CSMD1: variants seen among roughly 807,000 people sequenced by gnomAD.
The protein encoded by CSMD1 is CUB and sushi domain-containing protein 1.
In CSMD1, 213 loss-of-function variants were observed where a neutral mutation model predicts 417.5. That is an observed-to-expected ratio of 0.51 (90% CI 0.46 to 0.57). The LOEUF (loss-of-function observed/expected upper bound fraction) is 0.57. Among genes scored for constraint, CSMD1 ranks in the 20% least tolerant of loss-of-function variants. CSMD1 has a pLI of 0.00. For synonymous variants in CSMD1, 2,862 were observed against 1,736.8 expected (o/e 1.65, Z -16.11); for missense variants, 6,923 against 4,529.7 (o/e 1.53, Z -15.17).
At position 4,754,956 on chromosome 8, in the gene CSMD1, G is replaced by C. The variant is rs183589925; in HGVS notation, c.86-117398C>G. Among the ~76,000 whole-genome samples, 1,012 of 152,168 alleles carry C rather than the reference G, an allele frequency of 6.7e-3. 41 individuals carry two copies. The highest frequency in any genetic ancestry group is 0.062 in the Admixed American group (947 of 15,274). Reference sequence around the variant, plus strand: ...GTTCGAAACCAGCCTGGCCAACATAGTGAAACCCTGTCTCTACTAAAAACA... The same window carrying C: ...GTTCGAAACCAGCCTGGCCAACATACTGAAACCCTGTCTCTACTAAAAACA... On this transcript the variant is annotated intron_variant, in intron 1 of 69. Transcript: ENST00000635120.
intron 5 of CSMD1, among the ~76,000 whole-genome samples, chr8:3,867,819 C>G (rs1374435360): frequency 6.6e-6 from 1 of 152,078 alleles, no homozygotes; most frequent in Admixed American, 6.6e-5. Flanking sequence ...ACTGACCTTC[C>G]CTCAATTCTA....
At position 4,725,973 on chromosome 8, in the gene CSMD1, A is replaced by C. The variant is rs143462336; in HGVS notation, c.86-88415T>G. 2.6e-3 allele frequency among the ~76,000 whole-genome samples: 396 copies of C among 152,284 alleles called. 3 individuals carry two copies. Among genetic ancestry groups the C allele is most frequent in the African/African-American group, 9.0e-3 (374 of 41,550 alleles). On this transcript the variant is annotated intron_variant, in intron 1 of 69. Coordinates refer to ENST00000635120, the MANE Select transcript of CSMD1 (RefSeq NM_033225.6). ...TCGTCAAGAAGTTATTAGGATTTAC[A>C]GTGGAATTTTGGTATCACGAACTAG... is the stretch of plus-strand genomic sequence containing the variant.
intron 3 of CSMD1, among the ~76,000 whole-genome samples, chr8:4,137,593 T>G (rs1055028856): frequency 7.6e-6 from 1 of 131,648 alleles, no homozygotes; most frequent in Non-Finnish European, 1.8e-5. Flanking sequence ...AACTGGTTGG[T>G]TTGTAAGATA....
intron 12 of CSMD1, among the ~76,000 whole-genome samples, chr8:3,445,978 C>G (rs544557270): frequency 2.1e-4 from 32 of 152,208 alleles, no homozygotes; most frequent in African/African-American, 7.2e-4. Flanking sequence ...CTGGGCACAA[C>G]AGAGGGAGAA....
intron 5 of CSMD1, among the ~76,000 whole-genome samples, chr8:3,860,516 G>A (rs1417113003): frequency 6.6e-6 from 1 of 152,028 alleles, no homozygotes; most frequent in Non-Finnish European, 1.5e-5. Context: ...AAGGTACCTT[G>A]TACATAAATT....
At chr8:3,020,451 C>T (rs115240851) in intron 51 of CSMD1, among the ~76,000 whole-genome samples, 2,965 of 152,252 alleles carry the variant, frequency 0.019, 89 homozygotes, top group African/African-American at 0.066. Flanking sequence ...CCAGCAGCAG[C>T]CCTGACCTCC....
intron 1 of CSMD1, among the ~76,000 whole-genome samples, chr8:4,736,601 A>G (rs2116982458): frequency 6.6e-6 from 1 of 152,328 alleles, no homozygotes; most frequent in African/African-American, 2.4e-5. Context: ...CACATATTGT[A>G]CTGGAGCTAA....
intron 20 of CSMD1, among the ~76,000 whole-genome samples, chr8:3,362,851 C>G (rs1452177308): frequency 6.6e-6 from 1 of 152,172 alleles, no homozygotes; most frequent in Non-Finnish European, 1.5e-5. Context: ...GTAGTCTCAG[C>G]TTCCATCTTG....
intron 1 of CSMD1, among the ~76,000 whole-genome samples, chr8:4,808,456 C>G (rs1334712383): frequency 6.6e-6 from 1 of 152,176 alleles, no homozygotes; most frequent in East Asian, 1.9e-4. Flanking sequence ...TTGTAACTTA[C>G]TTGAAGCTTG....
At position 4,541,227 on chromosome 8, in the gene CSMD1, T is replaced by G. The variant is rs1012289168; in HGVS notation, c.302+96115A>C. ...GGAAGTCCCATCTCTGCTTTGCCAG[T>G]AACTACTGTGTGACTTAGAGTGAGC... is the stretch of plus-strand genomic sequence containing the variant. On this transcript the variant is annotated intron_variant, in intron 2 of 69. Transcript: ENST00000635120. 2.6e-5 allele frequency among the ~76,000 whole-genome samples: 4 copies of G among 152,302 alleles called. No homozygotes were observed. The South Asian group carries it at 6.2e-4, about 24-fold the overall frequency.
At chr8:4,939,463 G>C (rs921744938) in intron 1 of CSMD1, among the ~76,000 whole-genome samples, 1 of 152,172 alleles carries the variant, frequency 6.6e-6, no homozygotes, top group African/African-American at 2.4e-5. Flanking sequence ...GTACTATTCA[G>C]CCTTTAAAAA....
chr8:4,674,459 G>A (rs372348770), intron 1 of CSMD1, among the ~76,000 whole-genome samples: 1 of 152,268 alleles, frequency 6.6e-6, no homozygotes. Flanking sequence ...ACACCTGGCA[G>A]AGGAGGCTGT....
intron 5 of CSMD1, among the ~76,000 whole-genome samples, chr8:3,818,723 C>G (rs1264605529): frequency 6.6e-6 from 1 of 152,150 alleles, no homozygotes; most frequent in African/African-American, 2.4e-5. Context: ...GAAAACACAA[C>G]CAGAGGAATT....
chr8:4,910,470 C>T (rs1166302520), intron 1 of CSMD1, among the ~76,000 whole-genome samples: 2 of 152,158 alleles, frequency 1.3e-5, no homozygotes, highest in Non-Finnish European at 2.9e-5. Flanking sequence ...TCCTCTGATG[C>T]AGGGTCTTGC....
intron 1 of CSMD1, among the ~76,000 whole-genome samples, chr8:4,849,328 A>C (rs553398352): frequency 6.6e-6 from 1 of 152,114 alleles, no homozygotes; most frequent in African/African-American, 2.4e-5. Flanking sequence ...TTTATAAAGA[A>C]AAAAGTAATA....
intron 1 of CSMD1, among the ~76,000 whole-genome samples, chr8:4,804,830 T>C (rs1798500730): frequency 1.3e-5 from 2 of 152,240 alleles, no homozygotes; most frequent in Non-Finnish European, 2.9e-5. Context: ...TTACTGATAC[T>C]ATTTAACAAA....
chr8:3,899,316 G>T (rs1246623210), intron 5 of CSMD1, among the ~76,000 whole-genome samples: 1 of 152,190 alleles, frequency 6.6e-6, no homozygotes, highest in African/African-American at 2.4e-5. Context: ...TTGCAAAAGA[G>T]GTGCTACTTC....
rs1274356681 is a variant in CSMD1, at chr8:3,108,761, G to C, written c.6609-13C>G. ...ATCGGGACCGTCCCTAGGAAAGACA[G>C]AAAGAGGTGGCTGGCTAAGGATATT... On this transcript the variant is annotated splice_polypyrimidine_tract_variant and intron_variant, in intron 43 of 69. Transcript: ENST00000635120. 1 of 1,601,648 alleles carries C rather than the reference G, an allele frequency of 6.2e-7. No individual in the cohort carries two copies. The highest frequency in any genetic ancestry group is 1.3e-5 in the African/African-American group (1 of 74,678).
chr8:3,357,573 G>C (rs1316114790), intron 21 of CSMD1, among the ~76,000 whole-genome samples: 1 of 152,172 alleles, frequency 6.6e-6, no homozygotes, highest in Non-Finnish European at 1.5e-5. Context: ...TAAAGATAAT[G>C]ACTCTGGATG....
Sources: allele counts gnomAD v4.1 joint callset (sites outside exome capture counted in the v4.1 genomes callset), GRCh38; gene constraint gnomAD v4.1.1; transcripts MANE v1.5; gene names NCBI Gene and HGNC (gene_info 2026-07-23, HGNC 2026-07-21).